The following EYS variants were observed in gnomAD, a reference collection of about 807,000 sequenced individuals.
EYS encodes the protein EGF-like photoreceptor maintenance factor, also known as protein eyes shut homolog.
In EYS, 250 loss-of-function variants were observed where a neutral mutation model predicts 282.1. The observed-to-expected ratio is 0.89, with a 90% CI of 0.80 to 0.98. The LOEUF is 0.98. EYS is among the 50% of genes least tolerant of loss of function. EYS has a pLI of 0.00. For missense variants in EYS, 4,016 were observed against 3,709.0 expected (o/e 1.08, Z -2.15); for synonymous variants, 1,355 against 1,282.9 (o/e 1.06, Z -1.20).
chr6:64,560,752 G>A (rs1418665005), intron 26 of EYS, among the ~76,000 whole-genome samples: 1 of 152,066 alleles, frequency 6.6e-6, no homozygotes, highest in African/African-American at 2.4e-5. Context: ...GCAGTGAGGG[G>A]AGTGTCTGAT....
At chr6:64,739,134 C>T (rs1262025497) in intron 22 of EYS, among the ~76,000 whole-genome samples, 1 of 152,168 alleles carries the variant, frequency 6.6e-6, no homozygotes, top group Admixed American at 6.5e-5. Context: ...TAGCCTCAGA[C>T]AATCAAATAC....
At chr6:63,887,475 CTGGTTAGA>C (rs1413820101) in intron 35 of EYS, among the ~76,000 whole-genome samples, 4 of 151,890 alleles carry the variant, frequency 2.6e-5, no homozygotes, top group East Asian at 3.9e-4. Flanking sequence ...CTCGTTGGGA[CTGGTTAGA>C]CAATGGGTAC....
intron 31 of EYS, among the ~76,000 whole-genome samples, chr6:64,110,763 G>A (rs562976018): frequency 2.6e-5 from 4 of 151,984 alleles, no homozygotes; most frequent in Non-Finnish European, 5.9e-5. Context: ...AAAAGTGAGA[G>A]GATATAGCAA....
chr6:64,274,492 T>TTTTG (rs1562282451), intron 30 of EYS, among the ~76,000 whole-genome samples: 2 of 149,350 alleles, frequency 1.3e-5, no homozygotes, highest in African/African-American at 2.5e-5. Context: ...TTTTTTTTTT[T>TTTTG]TTTTTTTTTT....
intron 2 of EYS, among the ~76,000 whole-genome samples, chr6:65,561,178 C>A (rs1381690963): frequency 6.6e-6 from 1 of 152,126 alleles, no homozygotes; most frequent in Non-Finnish European, 1.5e-5. Context: ...TTTCTACAGG[C>A]AAGTTGGGAC....
At chr6:65,447,327 T>C in intron 5 of EYS, among the ~76,000 whole-genome samples, 1 of 83,844 alleles carries the variant, frequency 1.2e-5, no homozygotes, top group African/African-American at 3.7e-5. Flanking sequence ...TATATATATG[T>C]GTGTGTATAT....
At chr6:65,597,448 G>A (rs1016859483) in intron 2 of EYS, among the ~76,000 whole-genome samples, 2 of 152,088 alleles carry the variant, frequency 1.3e-5, no homozygotes, top group Non-Finnish European at 2.9e-5. Flanking sequence ...CCAGTACTAA[G>A]TACAGTACTG....
intron 35 of EYS, among the ~76,000 whole-genome samples, chr6:63,904,822 C>T (rs544686398): frequency 1.3e-5 from 2 of 152,286 alleles, no homozygotes; most frequent in African/African-American, 4.8e-5. Context: ...CTGACAAGAT[C>T]TAGATCTGGA....
chr6:63,913,978 G>A (rs439644), intron 35 of EYS, among the ~76,000 whole-genome samples: 107,157 of 152,034 alleles, frequency 0.7, 37,905 homozygotes, highest in Non-Finnish European at 0.73. Flanking sequence ...TCATTATTAC[G>A]TATTTTATGG....
intron 12 of EYS, among the ~76,000 whole-genome samples, chr6:65,093,747 T>G (rs979709593): frequency 6.6e-6 from 1 of 151,814 alleles, no homozygotes; most frequent in Non-Finnish European, 1.5e-5. Flanking sequence ...AGAATATAAG[T>G]TTTTAAAATT....
intron 31 of EYS, among the ~76,000 whole-genome samples, chr6:64,164,225 T>C (rs1775197089): frequency 6.6e-6 from 1 of 152,142 alleles, no homozygotes; most frequent in Non-Finnish European, 1.5e-5. Flanking sequence ...AACTCTAATT[T>C]ATCCCAGCAC....
intron 36 of EYS, among the ~76,000 whole-genome samples, chr6:63,830,644 A>G (rs1047934685): frequency 6.6e-6 from 1 of 152,258 alleles, no homozygotes; most frequent in Non-Finnish European, 1.5e-5. Context: ...AACACTCTTC[A>G]GGATATTATC....
chr6:63,827,389 T>A (rs151132486), intron 36 of EYS, among the ~76,000 whole-genome samples: 17 of 152,174 alleles, frequency 1.1e-4, no homozygotes, highest in South Asian at 4.2e-4. Flanking sequence ...CAACAAACAA[T>A]GGATTTGAAC....
chr6:65,196,424 C>T (rs1765768069), intron 12 of EYS, among the ~76,000 whole-genome samples: 1 of 152,060 alleles, frequency 6.6e-6, no homozygotes, highest in African/African-American at 2.4e-5. Context: ...CCCCGTCCCC[C>T]TTTGGGATTG....
intron 5 of EYS, among the ~76,000 whole-genome samples, chr6:65,449,601 A>C (rs1764328484): frequency 1.3e-5 from 2 of 152,118 alleles, no homozygotes; most frequent in South Asian, 4.1e-4. Context: ...GGTCAGATTC[A>C]ATTGTGAGAC....
At chr6:64,462,494 T>C (rs1775780391) in intron 26 of EYS, among the ~76,000 whole-genome samples, 1 of 152,106 alleles carries the variant, frequency 6.6e-6, no homozygotes, top group Admixed American at 6.6e-5. Flanking sequence ...GTGAAAAATG[T>C]ATCAACTTGA....
chr6:63,970,778 T>C (rs1247237615), intron 35 of EYS, among the ~76,000 whole-genome samples: 3 of 152,232 alleles, frequency 2.0e-5, no homozygotes, highest in South Asian at 2.1e-4. Flanking sequence ...AATGTGTACT[T>C]TGTCTTCATT....
At chr6:64,327,962 G>A (rs564328495) in intron 29 of EYS, among the ~76,000 whole-genome samples, 44 of 152,236 alleles carry the variant, frequency 2.9e-4, no homozygotes, top group Admixed American at 4.6e-4. Flanking sequence ...GAGGTCAGCC[G>A]CCTTAGGTCA....
chr6:64,560,991 C>T (rs1230008954), intron 26 of EYS, among the ~76,000 whole-genome samples: 1 of 152,138 alleles, frequency 6.6e-6, no homozygotes, highest in African/African-American at 2.4e-5. Flanking sequence ...GTTAATTCAA[C>T]ATGATCAAGC....
Sources: allele counts gnomAD v4.1 joint callset (sites outside exome capture counted in the v4.1 genomes callset), GRCh38; gene constraint gnomAD v4.1.1; transcripts MANE v1.5; gene names NCBI Gene and HGNC (gene_info 2026-07-23, HGNC 2026-07-21).